PIGL: variants seen among roughly 807,000 people sequenced by gnomAD.
PIGL encodes N-acetylglucosaminyl-phosphatidylinositol de-N-acetylase.
PIGL carries 22 observed loss-of-function variants against 31.1 expected under a neutral mutation model. That is an observed-to-expected ratio of 0.71 (90% CI 0.51 to 1.01). The LOEUF is 1.01. Among genes scored for constraint, PIGL ranks in the 50% least tolerant of loss-of-function variants. PIGL has a pLI of 0.00. For synonymous variants in PIGL, 131 were observed against 117.4 expected (o/e 1.12, Z -0.75); for missense variants, 302 against 315.9 (o/e 0.96, Z 0.33).
chr17:16,262,573 A>G (rs2092823750), intron 2 of PIGL, among the ~76,000 whole-genome samples: 1 of 152,142 alleles, frequency 6.6e-6, no homozygotes, highest in African/African-American at 2.4e-5. Flanking sequence ...AACCCCAGCT[A>G]CTTGGGAGAC....
chr17:16,245,242 C>T (rs531893059), intron 2 of PIGL, among the ~76,000 whole-genome samples: 17 of 152,132 alleles, frequency 1.1e-4, no homozygotes, highest in African/African-American at 3.1e-4. Context: ...CCACCCGCCT[C>T]GGCCTCTCAA....
rs115788036 is a variant in PIGL at position 16,316,966 on chromosome 17, A to G, written c.526+254A>G. 1.9e-3 allele frequency: 2,393 copies of G among 1,278,884 alleles called. 41 individuals are homozygous for G. The African/African-American group carries it at 0.033, about 18-fold the overall frequency. The allele number at this position is 1,278,884 out of a possible 1,614,324, so 79.2% of individuals were successfully genotyped here. On this transcript the variant is annotated intron_variant, in intron 5 of 6. Transcript: ENST00000225609. ...CCCTCAACCTGTCTAGCTTTTTCAC[A>G]GGGTGGATGTTTTACACCTCTGGTA...
At chr17:16,288,545 T>C (rs2092947576) in intron 2 of PIGL, among the ~76,000 whole-genome samples, 1 of 109,592 alleles carries the variant, frequency 9.1e-6, no homozygotes, top group South Asian at 2.5e-4. Flanking sequence ...TTTTTCTTTT[T>C]CTTTTTTTTT....
intron 2 of PIGL, among the ~76,000 whole-genome samples, chr17:16,267,797 T>A (rs2092851410): frequency 6.6e-6 from 1 of 152,118 alleles, no homozygotes; most frequent in African/African-American, 2.4e-5. Flanking sequence ...AAGTTTAGAC[T>A]CAATATCTTC....
chr17:16,225,988 A>G lies in PIGL; in HGVS notation c.236-7983A>G, dbSNP rs114346433. Among the ~76,000 whole-genome samples the G allele has an allele frequency of 4.1e-3, 620 of 151,638 alleles. 7 individuals are homozygous for G. Among genetic ancestry groups the G allele is most frequent in the African/African-American group, 0.014 (598 of 41,284 alleles). Reference sequence around the variant, plus strand: ...TTAACCCAAGAGTTCAGCCTGGGCAACATAGCCAGACCAGGAAAAAAAAAA... The same window carrying G: ...TTAACCCAAGAGTTCAGCCTGGGCAGCATAGCCAGACCAGGAAAAAAAAAA... On this transcript the variant is annotated intron_variant, in intron 1 of 6. Transcript: ENST00000225609.
At chr17:16,263,239 C>T (rs907011675) in intron 2 of PIGL, among the ~76,000 whole-genome samples, 2 of 152,066 alleles carry the variant, frequency 1.3e-5, no homozygotes, top group African/African-American at 2.4e-5. Flanking sequence ...AGTGCAGTGG[C>T]TTAGTCACAG....
chr17:16,322,051 G>A (rs2093108318), intron 6 of PIGL, among the ~76,000 whole-genome samples: 2 of 151,954 alleles, frequency 1.3e-5, no homozygotes, highest in Admixed American at 6.6e-5. Flanking sequence ...CCAAAGTGCT[G>A]GGATTACAGG....
chr17:16,281,977 G>A, intron 2 of PIGL: 1 of 485,108 alleles, frequency 2.1e-6, no homozygotes, highest in Non-Finnish European at 4.4e-6. Flanking sequence ...CCAGACAATG[G>A]AAGGGGGGCG....
At chr17:16,235,894 C>T (rs1006137912) in intron 2 of PIGL, among the ~76,000 whole-genome samples, 2 of 151,834 alleles carry the variant, frequency 1.3e-5, no homozygotes, top group South Asian at 2.1e-4. Context: ...AGTGAATCTA[C>T]AGTTGATCAG....
chr17:16,252,117 A>G (rs1012528130), intron 2 of PIGL, among the ~76,000 whole-genome samples: 42 of 141,390 alleles, frequency 3.0e-4, no homozygotes, highest in African/African-American at 1.1e-3. Flanking sequence ...CTCTGTCGCC[A>G]GGCTGGAGTG....
At chr17:16,270,534 A>G (rs1387840873) in intron 2 of PIGL, among the ~76,000 whole-genome samples, 1 of 152,118 alleles carries the variant, frequency 6.6e-6, no homozygotes, top group East Asian at 1.9e-4. Context: ...AAAATTATGC[A>G]GTATTTTTTT....
intron 1 of PIGL, 164 bp downstream of exon 1, chr17:16,217,625 G>T: frequency 3.6e-6 from 2 of 550,904 alleles, no homozygotes; most frequent in South Asian, 5.8e-5. Flanking sequence ...GGAGCGGCCG[G>T]CTTACCTGGT....
intron 6 of PIGL, among the ~76,000 whole-genome samples, chr17:16,323,647 C>G (rs1445464848): frequency 3.2e-5 from 4 of 126,008 alleles, no homozygotes; most frequent in Non-Finnish European, 6.3e-5. Flanking sequence ...GAGTCTCGCT[C>G]TGTTGCCCAG....
intron 2 of PIGL, among the ~76,000 whole-genome samples, chr17:16,293,855 C>T (rs1438142849): frequency 1.3e-5 from 2 of 152,172 alleles, no homozygotes; most frequent in African/African-American, 2.4e-5. Context: ...CTATTCAAAT[C>T]AGGTACGAAG....
chr17:16,302,524 T>C (rs1439162048), intron 3 of PIGL, among the ~76,000 whole-genome samples: 1 of 152,128 alleles, frequency 6.6e-6, no homozygotes, highest in African/African-American at 2.4e-5. Flanking sequence ...ATACTCTCTG[T>C]CCTCCCCTAC....
rs562814555 is a variant in PIGL, at chr17:16,309,938, C to T, written c.427-3609C>T. Among the ~76,000 whole-genome samples the T allele has an allele frequency of 1.3e-4, 20 of 151,620 alleles. No individual in the cohort carries two copies. The South Asian group carries it at 3.3e-3, about 25-fold the overall frequency. On this transcript the variant is annotated intron_variant, in intron 3 of 6. Transcript: ENST00000225609. Reference sequence around the variant, plus strand: ...ACTGAAAATACAAAAATTAGCCAGGCATGGTGGCACGTACCTGTAGTCCCA... The same window carrying T: ...ACTGAAAATACAAAAATTAGCCAGGTATGGTGGCACGTACCTGTAGTCCCA...
intron 2 of PIGL, among the ~76,000 whole-genome samples, chr17:16,264,840 T>C (rs1412180259): frequency 6.6e-6 from 1 of 152,038 alleles, no homozygotes; most frequent in African/African-American, 2.4e-5. Context: ...TTGGCCAGGC[T>C]GGTCTGGAAC....
In PIGL at chr17:16,254,048, T is replaced by C. The variant is rs931160451; in HGVS notation, c.335+19978T>C. Among the ~76,000 whole-genome samples the C allele has an allele frequency of 2.6e-5, 4 of 152,194 alleles. No individual in the cohort carries two copies. In the East Asian group the frequency reaches 7.7e-4, roughly 29 times the overall value. On this transcript the variant is annotated intron_variant, in intron 2 of 6. Transcript: ENST00000225609. ...GCCTCAAATATACCATGCTGTCTAA[T>C]GCATCCACACCTTTGCATGTGCTAG...
At position 16,325,842 on chromosome 17, in the gene PIGL, C is replaced by G. The variant is rs149423660; in HGVS notation, c.703C>G (p.Arg235Gly). The change falls in exon 7 of 7, where the codon CGC (arginine) becomes GGC (glycine). Residue 235 changes from arginine to glycine, a missense_variant. Transcript: ENST00000225609. ...CHRSQLLWFR[R>G]LYIIFSRYMR... ...CCGCAGCCAGCTCCTCTGGTTCCGC[C>G]GCCTCTACATTATCTTCTCCCGGTA... The G allele has an allele frequency of 3.1e-6, 5 of 1,613,984 alleles. No individual in the cohort carries two copies. The East Asian group carries it at 1.1e-4, about 36-fold the overall frequency.
Sources: allele counts gnomAD v4.1 joint callset (sites outside exome capture counted in the v4.1 genomes callset), GRCh38; gene constraint gnomAD v4.1.1; transcripts MANE v1.5; gene names NCBI Gene and HGNC (gene_info 2026-07-23, HGNC 2026-07-21).